ABI1: variants seen among roughly 807,000 people sequenced by gnomAD.
ABI1 encodes abl interactor 1, also known as Abelson interactor 1.
A neutral mutation model predicts 54.6 loss-of-function variants in ABI1; 14 were observed. That is an observed-to-expected ratio of 0.26 (90% CI 0.17 to 0.40). The LOEUF is 0.40. Ranked by LOEUF, ABI1 falls within the 10% of genes least tolerant of loss-of-function variation. ABI1 has a pLI of 1.00. For synonymous variants in ABI1, 194 were observed against 209.3 expected, an observed-to-expected ratio of 0.93 and a Z score of 0.63; for missense variants, 443 against 598.3, an observed-to-expected ratio of 0.74 and a Z score of 2.71.
At chr10:26,817,386 T>C (rs2133689528) in intron 2 of ABI1, among the ~76,000 whole-genome samples, 1 of 152,298 alleles carries the variant, frequency 6.6e-6, no homozygotes, top group South Asian at 2.1e-4. Context: ...CACTCTACAC[T>C]AGATTCTGTT....
chr10:26,779,011 T>A (rs773795697), intron 2 of ABI1, among the ~76,000 whole-genome samples: 6 of 152,184 alleles, frequency 3.9e-5, no homozygotes, highest in Non-Finnish European at 8.8e-5. Flanking sequence ...AGTAATGATG[T>A]CCTTTGTCTC....
At chr10:26,760,363 T>C (rs1261772463) in intron 7 of ABI1, among the ~76,000 whole-genome samples, 1 of 152,204 alleles carries the variant, frequency 6.6e-6, no homozygotes, top group East Asian at 1.9e-4. Flanking sequence ...AGTTGTCTAA[T>C]CCTTCTTAGA....
chr10:26,755,312 G>A (rs1297680888), intron 9 of ABI1, among the ~76,000 whole-genome samples: 1 of 152,100 alleles, frequency 6.6e-6, no homozygotes, highest in Non-Finnish European at 1.5e-5. Flanking sequence ...AATTAAAAAT[G>A]TCTTCTAATT....
intron 2 of ABI1, chr10:26,790,716 G>A (rs1325135523): frequency 6.6e-6 from 1 of 152,114 alleles, no homozygotes; most frequent in Non-Finnish European, 1.5e-5. Flanking sequence ...CATAGTTCTA[G>A]TTAGTCCAAT....
At chr10:26,845,438 T>G (rs934711480) in intron 1 of ABI1, among the ~76,000 whole-genome samples, 4 of 151,666 alleles carry the variant, frequency 2.6e-5, no homozygotes, top group African/African-American at 9.7e-5. Flanking sequence ...AGGTCAGGAG[T>G]TCGAGACCAG....
chr10:26,792,067 A>G (rs1588891815), intron 2 of ABI1, among the ~76,000 whole-genome samples: 1 of 152,214 alleles, frequency 6.6e-6, no homozygotes, highest in Non-Finnish European at 1.5e-5. Context: ...TTAAACAATA[A>G]TTGTTTAGTG....
At chr10:26,787,167 C>A (rs1347202808) in intron 2 of ABI1, among the ~76,000 whole-genome samples, 1 of 152,136 alleles carries the variant, frequency 6.6e-6, no homozygotes, top group East Asian at 1.9e-4. Flanking sequence ...TCCACTTGTA[C>A]CCAGTCTGGC....
chr10:26,849,942 T>C (rs945792443), intron 1 of ABI1, among the ~76,000 whole-genome samples: 1 of 152,260 alleles, frequency 6.6e-6, no homozygotes, highest in African/African-American at 2.4e-5. Context: ...TTTATTGATA[T>C]AGTTTCAGAG....
chr10:26,837,293 C>G (rs991534222), intron 1 of ABI1, among the ~76,000 whole-genome samples: 6 of 152,158 alleles, frequency 3.9e-5, no homozygotes, highest in Admixed American at 3.9e-4. Flanking sequence ...CACCTTCTCG[C>G]TGTGTCCTCA....
At chr10:26,790,297 AT>A (rs547902500) in intron 2 of ABI1, among the ~76,000 whole-genome samples, 1 of 151,936 alleles carries the variant, frequency 6.6e-6, no homozygotes, top group South Asian at 2.1e-4. Flanking sequence ...AGCATCTGTT[AT>A]TTTTTTGAAT....
At chr10:26,795,202 C>A (rs577539236) in intron 2 of ABI1, among the ~76,000 whole-genome samples, 18 of 150,386 alleles carry the variant, frequency 1.2e-4, no homozygotes, top group Non-Finnish European at 2.4e-4. Context: ...TTTCAAAGCA[C>A]CACAGTAGAG....
rs547711437 is a variant in ABI1 at position 26,765,533 on chromosome 10, T to C, written c.720-215A>G. Among the ~76,000 whole-genome samples, 5 of 152,044 alleles carry C rather than the reference T, an allele frequency of 3.3e-5. No homozygotes were observed. In the South Asian group the frequency reaches 1.0e-3, roughly 32 times the overall value. ...TACAGAACCAGTGGACATGAAACAT[T>C]GGTTTTCCTTATCTACAGGTTCTGC... On this transcript the variant is annotated intron_variant, in intron 6 of 10. Transcript: ENST00000376140.
chr10:26,809,180 G>C (rs948883382), intron 2 of ABI1, among the ~76,000 whole-genome samples: 1 of 151,426 alleles, frequency 6.6e-6, no homozygotes, highest in African/African-American at 2.4e-5. Context: ...TGAGGCACGA[G>C]AATCACTTGA....
intron 3 of ABI1, among the ~76,000 whole-genome samples, chr10:26,773,343 A>T (rs973709495): frequency 5.3e-5 from 8 of 150,992 alleles, no homozygotes; most frequent in Non-Finnish European, 1.0e-4. Flanking sequence ...CTGGGATTAA[A>T]ACTGTGTGCC....
intron 1 of ABI1, among the ~76,000 whole-genome samples, chr10:26,837,448 G>C (rs1589034558): frequency 6.6e-6 from 1 of 152,238 alleles, no homozygotes; most frequent in East Asian, 1.9e-4. Context: ...CACATGGTGG[G>C]GGAGACGGGT....
At position 26,767,768 on chromosome 10, in the gene ABI1, C is replaced by T. The variant is rs139747249; in HGVS notation, c.719+1084G>A. On this transcript the variant is annotated intron_variant, in intron 6 of 10. Coordinates refer to ENST00000376140, the MANE Select transcript of ABI1 (RefSeq NM_001012750.3). The stretch of plus-strand genomic sequence containing the variant: ...CATTTAAAAATAATAAATACAAGGC[C>T]AGGAGCGGTGGATCATGCCTGTAAT... Among the ~76,000 whole-genome samples the T allele has an allele frequency of 9.4e-3, 1,428 of 152,202 alleles. 13 individuals are homozygous for T. The highest frequency in any genetic ancestry group is 0.031 in the African/African-American group (1,293 of 41,518).
chr10:26,834,592 CACA>C (rs2048915221), intron 1 of ABI1, among the ~76,000 whole-genome samples: 1 of 145,730 alleles, frequency 6.9e-6, no homozygotes, highest in African/African-American at 2.6e-5. Context: ...CACACACACA[CACA>C]AAAGAAGACA....
chr10:26,853,529 CTTTTT>C (rs535088026), intron 1 of ABI1, among the ~76,000 whole-genome samples: 27 of 130,828 alleles, frequency 2.1e-4, no homozygotes, highest in African/African-American at 3.1e-4. Context: ...TTTTACCTTA[CTTTTT>C]TTTTTTTTTT....
intron 2 of ABI1, among the ~76,000 whole-genome samples, chr10:26,797,351 C>G (rs912071368): frequency 6.6e-6 from 1 of 152,056 alleles, no homozygotes; most frequent in African/African-American, 2.4e-5. Flanking sequence ...ATGTAAAAAG[C>G]CTGGTATACA....
Sources: allele counts gnomAD v4.1 joint callset (sites outside exome capture counted in the v4.1 genomes callset), GRCh38; gene constraint gnomAD v4.1.1; transcripts MANE v1.5; gene names NCBI Gene and HGNC (gene_info 2026-07-23, HGNC 2026-07-21).